The following ZSCAN5B variants were observed in gnomAD, a reference collection of about 807,000 sequenced individuals.
ZSCAN5B encodes zinc finger and SCAN domain-containing protein 5B.
Under a neutral mutation model 25.2 loss-of-function variants are expected in ZSCAN5B, and 26 were observed. The observed-to-expected ratio is 1.03, with a 90% CI of 0.76 to 1.43. ZSCAN5B has a LOEUF of 1.43. Among genes scored for constraint, ZSCAN5B ranks in the 40% most tolerant of loss-of-function variants. ZSCAN5B has a pLI of 0.00. For synonymous variants in ZSCAN5B, 244 were observed against 240.9 expected (o/e 1.01, Z -0.12); for missense variants, 745 against 622.1 (o/e 1.20, Z -2.10).
At chr19:56,195,551 C>T (rs554460320) in intron 1 of ZSCAN5B, among the ~76,000 whole-genome samples, 2 of 151,522 alleles carry the variant, frequency 1.3e-5, no homozygotes, top group African/African-American at 4.9e-5. Flanking sequence ...TTAGAGCAGC[C>T]GATATGGGAG....
exon 2 of ZSCAN5B, chr19:56,192,694 C>G: frequency 6.3e-7 from 1 of 1,587,648 alleles, no homozygotes; most frequent in Non-Finnish European, 8.6e-7. Context: ...TCTGTTATTT[C>G]GTAGCAGGTC....
chr19:56,190,337 T>C, exon 5 of ZSCAN5B: 2 of 1,614,158 alleles, frequency 1.2e-6, no homozygotes, highest in Non-Finnish European at 1.7e-6. Flanking sequence ...TGATCTCAGC[T>C]TGTCCTGGGG....
At position 56,191,261 on chromosome 19, in the gene ZSCAN5B, A is replaced by G. The variant is rs987706249; in HGVS notation, c.589-274T>C. Among the ~76,000 whole-genome samples the G allele has an allele frequency of 5.9e-5, 9 of 152,214 alleles. No homozygotes were observed. The East Asian group carries it at 1.5e-3, about 26-fold the overall frequency. On this transcript the variant is annotated intron_variant, in intron 3 of 4. Coordinates refer to ENST00000586855, the Ensembl canonical transcript of ZSCAN5B. ...CCCTGCCCCTGACGCTGGAAGAAGC[A>G]TGACTCTAGGTGGAGGCCCCTAACC...
chr19:56,196,891 G>A (rs550027101), intron 1 of ZSCAN5B, among the ~76,000 whole-genome samples: 1 of 152,338 alleles, frequency 6.6e-6, no homozygotes, highest in African/African-American at 2.4e-5. Context: ...TGCTCAGAAA[G>A]CGGAGATCGA....
chr19:56,192,035 CGAGCAAGTTGACTATAGACTGTA>C lies in ZSCAN5B; in HGVS notation c.385-5_402del, dbSNP rs1423925635. ...GAGTTCAGCATAAGATATTCTTTGC[CGAGCAAGTTGACTATAGACTGTA>C]GAGAGAAAAAAGACAATCAGACACT... On this transcript the variant is annotated splice_acceptor_variant and splice_polypyrimidine_tract_variant and coding_sequence_variant and intron_variant, in exon 3 of 5. Transcript: ENST00000586855. LOFTEE classifies it high-confidence loss of function. 1 of 1,612,448 alleles carries C rather than the reference CGAGCAAGTTGACTATAGACTGTA, an allele frequency of 6.2e-7. No individual in the cohort carries two copies. The highest frequency in any genetic ancestry group is 8.5e-7 in the Non-Finnish European group (1 of 1,179,464).
chr19:56,191,149 C>T (rs1389825433), intron 3 of ZSCAN5B, among the ~76,000 whole-genome samples, 162 bp from the exon 4 acceptor site: 1 of 152,168 alleles, frequency 6.6e-6, no homozygotes, highest in African/African-American at 2.4e-5. Flanking sequence ...CTAATCTGCA[C>T]CCTCCATATT....
At chr19:56,197,297 C>A (rs557422010) in intron 1 of ZSCAN5B, among the ~76,000 whole-genome samples, 7 of 151,320 alleles carry the variant, frequency 4.6e-5, no homozygotes, top group African/African-American at 1.7e-4. Flanking sequence ...CTCAGTCTCC[C>A]GAATAGCGGG....
chr19:56,196,876 G>A (rs1568587168), intron 1 of ZSCAN5B, among the ~76,000 whole-genome samples: 3 of 152,174 alleles, frequency 2.0e-5, no homozygotes, highest in African/African-American at 4.8e-5. Context: ...TTCCCTAAGC[G>A]CCCCTGCTCA....
At chr19:56,192,521 A>G in intron 2 of ZSCAN5B, 148 bp downstream of exon 2, 1 of 1,369,668 alleles carries the variant, frequency 7.3e-7, no homozygotes, top group Non-Finnish European at 9.8e-7. Context: ...GGCCTCACAC[A>G]GTGTGTGGGT....
exon 4 of ZSCAN5B, chr19:56,190,966 T>G (rs375207851): frequency 1.2e-6 from 2 of 1,613,566 alleles, no homozygotes; most frequent in African/African-American, 1.3e-5. Context: ...TCAATACTCT[T>G]GTGTAGCAGA....
chr19:56,196,788 G>A (rs369410276), intron 1 of ZSCAN5B, among the ~76,000 whole-genome samples: 1 of 152,050 alleles, frequency 6.6e-6, no homozygotes, highest in South Asian at 2.1e-4. Context: ...TAAGTAAATC[G>A]ATACATTTTT....
At chr19:56,197,766 G>T in exon 1 of ZSCAN5B, 1 of 985,366 alleles carries the variant, frequency 1.0e-6, no homozygotes, top group African/African-American at 1.7e-5. Flanking sequence ...GACCTTCTCG[G>T]TCTGGGATGC....
chr19:56,191,791 C>G (rs547129428), intron 3 of ZSCAN5B, 59 bp downstream of exon 3: 3 of 1,564,576 alleles, frequency 1.9e-6, no homozygotes, highest in South Asian at 1.1e-5. Context: ...TGCAGCCACA[C>G]GATTTCCTCC....
intron 4 of ZSCAN5B, 42 bp from the exon 5 acceptor site, chr19:56,190,617 C>T (rs749621458): frequency 1.8e-5 from 28 of 1,592,024 alleles, no homozygotes; most frequent in Admixed American, 3.5e-5. Context: ...TTAACAAAGC[C>T]GATTTTCAAT....
At chr19:56,197,637 G>T in intron 1 of ZSCAN5B, 97 bp downstream of exon 1, 1 of 628,010 alleles carries the variant, frequency 1.6e-6, no homozygotes, top group Non-Finnish European at 2.0e-6. Context: ...AAGTCTCCGA[G>T]AAAATAAATG....
At chr19:56,190,359 C>A in exon 5 of ZSCAN5B, 1 of 1,614,094 alleles carries the variant, frequency 6.2e-7, no homozygotes, top group East Asian at 2.2e-5. Flanking sequence ...TTCTCTGTTG[C>A]CCACAGGTGT....
At chr19:56,192,411 C>T (rs975010181) in intron 2 of ZSCAN5B, among the ~76,000 whole-genome samples, 1 of 152,200 alleles carries the variant, frequency 6.6e-6, no homozygotes, top group South Asian at 2.1e-4. Flanking sequence ...CTTTCCCTGC[C>T]TCAGGATGGG....
chr19:56,196,447 T>G (rs1266485509), intron 1 of ZSCAN5B, among the ~76,000 whole-genome samples: 1 of 152,200 alleles, frequency 6.6e-6, no homozygotes, highest in African/African-American at 2.4e-5. Context: ...ACCGTATACT[T>G]GGAAATTGCT....
At chr19:56,195,919 G>A (rs1189259090) in intron 1 of ZSCAN5B, among the ~76,000 whole-genome samples, 3 of 152,106 alleles carry the variant, frequency 2.0e-5, no homozygotes. Flanking sequence ...GGAATGCAGT[G>A]GTGCATCCTG....
Sources: allele counts gnomAD v4.1 joint callset (sites outside exome capture counted in the v4.1 genomes callset), GRCh38; gene constraint gnomAD v4.1.1; transcripts MANE v1.5; gene names NCBI Gene and HGNC (gene_info 2026-07-23, HGNC 2026-07-21).